Variants in VPS39 observed in about 807,000 individuals in gnomAD.
VPS39 encodes the protein vam6/Vps39-like protein.
VPS39 carries 70 observed loss-of-function variants against 121.0 expected under a neutral mutation model. The observed-to-expected ratio is 0.58, with a 90% CI of 0.48 to 0.71. The LOEUF is 0.71. VPS39 is among the 30% of genes least tolerant of loss of function. The pLI, the probability that VPS39 is intolerant of heterozygous loss-of-function variation, is 0.00. For synonymous variants in VPS39, 378 were observed against 398.1 expected, an observed-to-expected ratio of 0.95 and a Z score of 0.60; for missense variants, 818 against 1,051.5, an observed-to-expected ratio of 0.78 and a Z score of 3.07.
chr15:42,189,217 G>A lies in VPS39; in HGVS notation c.248-9C>T. 1.9e-6 allele frequency: 3 copies of A among 1,602,534 alleles called. No homozygotes were observed. Among genetic ancestry groups the A allele is most frequent in the South Asian group, 2.2e-5 (2 of 90,796 alleles). ...GACATAAATGTTATTTTCTGTTTGG[G>A]AGGAGGTATAACATCAGGATCAATG... On this transcript the variant is annotated splice_polypyrimidine_tract_variant and intron_variant, in intron 4 of 24. Coordinates refer to ENST00000318006, the MANE Select transcript of VPS39 (RefSeq NM_015289.5).
intron 11 of VPS39, among the ~76,000 whole-genome samples, chr15:42,171,840 G>A (rs1291236746): frequency 6.6e-6 from 1 of 151,990 alleles, no homozygotes; most frequent in African/African-American, 2.4e-5. Context: ...CTTCAGATAA[G>A]GGCAAGTTCT....
At chr15:42,178,744 T>C (rs1230985882) in intron 8 of VPS39, 174 bp from the exon 9 acceptor site, 2 of 879,782 alleles carry the variant, frequency 2.3e-6, no homozygotes, top group Admixed American at 5.9e-5. Flanking sequence ...AAAATTGGCC[T>C]GTAATCCCAG....
chr15:42,164,413 C>T lies in VPS39; in HGVS notation c.1971G>A (p.Leu657=). The change falls in exon 19 of 25, where the codon TTG becomes TTA. Residue 657 remains leucine, a synonymous_variant. Transcript: ENST00000318006. ...CTGGATCATAGTAGCTGGAAATCTC[C>T]AAGAACATGAGGAGCTTTTGCCGGT... ...GEYRQKLLMF[L]EISSYYDPGR... The T allele has an allele frequency of 6.2e-7, 1 of 1,614,154 alleles. No homozygotes were observed.
Position 42,162,357 on chromosome 15 carries a change from T to TGTCCA in VPS39, c.2299_2300insTGGAC (p.His767LeufsTer55). The TGTCCA allele has an allele frequency of 6.2e-7, 1 of 1,613,068 alleles. No individual in the cohort carries two copies. The highest frequency in any genetic ancestry group is 8.5e-7 in the Non-Finnish European group (1 of 1,179,418). On this transcript the variant is annotated frameshift_variant, in exon 22 of 25. Transcript: ENST00000318006. LOFTEE classifies it high-confidence loss of function. Reference sequence around the variant, plus strand: ...CTTGGTGGTGTCCAGTTTGCTGTGGTGTAGCTCGAGGACCTGCAGAGCGGC... The same window carrying TGTCCA: ...CTTGGTGGTGTCCAGTTTGCTGTGGTGTCCAGTAGCTCGAGGACCTGCAGAGCGGC...
chr15:42,173,872 T>C lies in VPS39; in HGVS notation c.961-20A>G. ...CATTTCCTAATAACGGAGCAGAATA[T>C]GTAAGAGTTCACTCACTCAACAAAT... is the stretch of plus-strand genomic sequence containing the variant. On this transcript the variant is annotated intron_variant, in intron 10 of 24. Coordinates refer to ENST00000318006, the MANE Select transcript of VPS39 (RefSeq NM_015289.5). 1.2e-6 allele frequency: 2 copies of C among 1,613,556 alleles called. No individual in the cohort carries two copies. Among genetic ancestry groups the C allele is most frequent in the African/African-American group, 1.3e-5 (1 of 75,032 alleles).
intron 10 of VPS39, 51 bp downstream of exon 10, chr15:42,178,167 C>T (rs1369444019): frequency 1.2e-6 from 2 of 1,607,156 alleles, no homozygotes; most frequent in Non-Finnish European, 1.7e-6. Context: ...ACCCAAATCA[C>T]CTACTTTCAA....
At position 42,191,088 on chromosome 15, in the gene VPS39, G is replaced by A. The variant is rs1257892391; in HGVS notation, c.247+37C>T. ...GATTAATTAGGTCATATCTTTTCTT[G>A]TTAGACACAGGATACAAATGCAACT... On this transcript the variant is annotated intron_variant, in intron 4 of 24. Coordinates refer to ENST00000318006, the MANE Select transcript of VPS39 (RefSeq NM_015289.5). 1.9e-6 allele frequency: 3 copies of A among 1,608,474 alleles called. No individual in the cohort carries two copies. In the African/African-American group the frequency reaches 4.0e-5, roughly 22 times the overall value.
At chr15:42,165,306 C>A (rs963676416) in intron 17 of VPS39, 193 bp from the exon 18 acceptor site, 3 of 596,636 alleles carry the variant, frequency 5.0e-6, no homozygotes, top group East Asian at 2.8e-5. Context: ...CGTGAGGAGC[C>A]ATCTTCTCAA....
At chr15:42,171,006 A>G (rs1186735599) in intron 11 of VPS39, among the ~76,000 whole-genome samples, 1 of 152,042 alleles carries the variant, frequency 6.6e-6, no homozygotes, top group Non-Finnish European at 1.5e-5. Flanking sequence ...AAATGCTGGG[A>G]TTATAGGCAT....
At position 42,163,740 on chromosome 15, in the gene VPS39, A is replaced by C. The variant is rs766968847; in HGVS notation, c.2027-12T>G. The C allele has an allele frequency of 6.3e-7, 1 of 1,594,090 alleles. No homozygotes were observed. The highest frequency in any genetic ancestry group is 8.6e-7 in the Non-Finnish European group (1 of 1,167,810). Reference sequence around the variant, plus strand: ...TTCTTCTAAGAGGCCTAGGAGGAAAAGGAATATGAGGAACCACTGCCGCCA... The same window carrying C: ...TTCTTCTAAGAGGCCTAGGAGGAAACGGAATATGAGGAACCACTGCCGCCA... On this transcript the variant is annotated splice_polypyrimidine_tract_variant and intron_variant, in intron 19 of 24. Coordinates refer to ENST00000318006, the MANE Select transcript of VPS39 (RefSeq NM_015289.5).
At chr15:42,186,136 A>G (rs1222562802) in intron 7 of VPS39, among the ~76,000 whole-genome samples, 1 of 152,154 alleles carries the variant, frequency 6.6e-6, no homozygotes, top group African/African-American at 2.4e-5. Flanking sequence ...TGGAACAAAT[A>G]TATTAACAAG....
intron 2 of VPS39, among the ~76,000 whole-genome samples, chr15:42,194,255 C>T (rs966227338): frequency 6.7e-6 from 1 of 149,374 alleles, no homozygotes; most frequent in African/African-American, 2.5e-5. Flanking sequence ...GTGTAGATCA[C>T]CTGAGGTCAG....
chr15:42,184,538 T>C lies in VPS39; in HGVS notation c.697A>G (p.Thr233Ala). ...ICTQKCALNWTDIPVAMEHQP... is the reference protein window; with the variant it reads ...ICTQKCALNWADIPVAMEHQP... Reference sequence around the variant, plus strand: ...TCACCCATGGCCACTGGTATGTCCGTCCAGTTCAGGGCACATTTCTGTGTG... The same window carrying C: ...TCACCCATGGCCACTGGTATGTCCGCCCAGTTCAGGGCACATTTCTGTGTG... Residue 233 changes from threonine to alanine, a missense_variant, in exon 8 of 25, where the codon ACG (threonine) becomes GCG (alanine). Physicochemically the swap from Thr to Ala is moderately conservative, Grantham distance 58. Coordinates refer to ENST00000318006, the MANE Select transcript of VPS39 (RefSeq NM_015289.5). The C allele has an allele frequency of 6.2e-7, 1 of 1,611,652 alleles. No homozygotes were observed. Among genetic ancestry groups the C allele is most frequent in the Non-Finnish European group, 8.5e-7 (1 of 1,179,308 alleles).
At position 42,173,815 on chromosome 15, in the gene VPS39, T is replaced by C; in HGVS notation, c.998A>G (p.Gln333Arg). Residue 333 changes from glutamine to arginine, a missense_variant, in exon 11 of 25, where the codon CAA (glutamine) becomes CGA (arginine). Transcript: ENST00000318006. ...KDDSDSEKQQ[Q>R]IHHIKNLYAF... Reference sequence around the variant, plus strand: ...ATACAAGTTCTTGATGTGATGAATTTGTTGCTGCTTTTCACTGTCAGAATC... The same window carrying C: ...ATACAAGTTCTTGATGTGATGAATTCGTTGCTGCTTTTCACTGTCAGAATC... The C allele has an allele frequency of 6.2e-7, 1 of 1,614,204 alleles. No homozygotes were observed. The highest frequency in any genetic ancestry group is 8.5e-7 in the Non-Finnish European group (1 of 1,180,020).
chr15:42,188,690 C>T (rs1703751), intron 5 of VPS39, among the ~76,000 whole-genome samples: 22,513 of 152,132 alleles, frequency 0.15, 2,229 homozygotes, highest in African/African-American at 0.26. Context: ...TCTCTTTGGG[C>T]CGGGTGCAGT....
chr15:42,187,455 C>A, intron 6 of VPS39, 92 bp from the exon 7 acceptor site: 1 of 1,160,160 alleles, frequency 8.6e-7, no homozygotes, highest in South Asian at 1.5e-5. Context: ...TTCTGCAAAA[C>A]AACCCTCACC....
intron 13 of VPS39, 53 bp from the exon 14 acceptor site, chr15:42,166,966 T>C: frequency 1.2e-6 from 2 of 1,609,498 alleles, no homozygotes; most frequent in East Asian, 4.5e-5. Flanking sequence ...AGCCCCACCC[T>C]TCCCTGGCCC....
chr15:42,175,404 C>A (rs2049431115), intron 10 of VPS39, among the ~76,000 whole-genome samples: 1 of 143,956 alleles, frequency 6.9e-6, no homozygotes, highest in Non-Finnish European at 1.5e-5. Flanking sequence ...AAGACTCTGT[C>A]TCGGGAAAAA....
At chr15:42,177,480 C>A (rs2049478948) in intron 10 of VPS39, among the ~76,000 whole-genome samples, 1 of 152,046 alleles carries the variant, frequency 6.6e-6, no homozygotes, top group African/African-American at 2.4e-5. Flanking sequence ...TTCAGAATAT[C>A]AAAAGAAAGC....
Sources: allele counts gnomAD v4.1 joint callset (sites outside exome capture counted in the v4.1 genomes callset), GRCh38; gene constraint gnomAD v4.1.1; transcripts MANE v1.5; gene names NCBI Gene and HGNC (gene_info 2026-07-23, HGNC 2026-07-21).